The following RARB variants were observed in gnomAD, a reference collection of about 807,000 sequenced individuals.
RARB encodes HBV-activated protein.
In RARB, 17 loss-of-function variants were observed where a neutral mutation model predicts 51.9. The ratio of observed to expected loss-of-function variants is 0.33; its 90% CI spans 0.22 to 0.49. RARB has a LOEUF of 0.49. Ranked by LOEUF, RARB falls within the 20% of genes least tolerant of loss-of-function variation. RARB has a pLI of 0.99. For missense variants in RARB, 369 were observed against 550.8 expected, an observed-to-expected ratio of 0.67 and a Z score of 3.30; for synonymous variants, 215 against 195.4, an observed-to-expected ratio of 1.10 and a Z score of -0.84.
In RARB at chr3:24,939,947, T is replaced by C. The variant is rs576015570; in HGVS notation, c.-380+81195T>C. ...ACGTGTTTTACCATACATCTCCTTA[T>C]AAGCAAACGTCACTCATTTTGGATA... On this transcript the variant is annotated intron_variant, in intron 2 of 11. Coordinates refer to the RARB transcript ENST00000383772. Among the ~76,000 whole-genome samples the C allele has an allele frequency of 4.6e-5, 7 of 152,348 alleles. No individual in the cohort carries two copies. In the East Asian group the frequency reaches 1.4e-3, roughly 29 times the overall value.
rs149147654 is a variant in RARB, at chr3:24,945,145, T to A, written c.-380+86393T>A. Among the ~76,000 whole-genome samples the A allele has an allele frequency of 1.1e-4, 17 of 152,356 alleles. No homozygotes were observed. The East Asian group carries it at 3.1e-3, about 28-fold the overall frequency. ...GTAAATTTAGTTTTTTATAGTCTTA[T>A]GGGTTTGCTTTTCTTTGTAAACTTC... is the stretch of plus-strand genomic sequence containing the variant. On this transcript the variant is annotated intron_variant, in intron 2 of 11. Transcript: ENST00000383772.
intron 5 of RARB, among the ~76,000 whole-genome samples, chr3:25,240,822 T>C (rs1051627127): frequency 1.3e-5 from 2 of 152,188 alleles, no homozygotes; most frequent in Admixed American, 6.5e-5. Flanking sequence ...TGTCTGGTTT[T>C]TGTATCAGGG....
intron 5 of RARB, among the ~76,000 whole-genome samples, chr3:25,343,065 TG>T (rs2125452039): frequency 6.9e-6 from 1 of 145,194 alleles, no homozygotes; most frequent in Admixed American, 7.0e-5. Flanking sequence ...TGTGTGTGTG[TG>T]TGTGTGTAAT....
intron 2 of RARB, among the ~76,000 whole-genome samples, chr3:24,921,169 A>G (rs1248795206): frequency 6.6e-6 from 1 of 152,170 alleles, no homozygotes; most frequent in Non-Finnish European, 1.5e-5. Flanking sequence ...CAGTTTGAAT[A>G]GCCCATGAGA....
intron 5 of RARB, among the ~76,000 whole-genome samples, chr3:25,235,490 T>A (rs959728667): frequency 2.0e-4 from 31 of 152,096 alleles, no homozygotes; most frequent in Non-Finnish European, 4.4e-5. Context: ...ATTTTCAGAG[T>A]CTCAGCAAAG....
At chr3:24,870,767 G>A (rs894436404) in intron 2 of RARB, among the ~76,000 whole-genome samples, 3 of 151,916 alleles carry the variant, frequency 2.0e-5, no homozygotes, top group Non-Finnish European at 4.4e-5. Context: ...TACATAATAG[G>A]CACATATATT....
chr3:25,200,841 G>A (rs1390069900), intron 5 of RARB, among the ~76,000 whole-genome samples: 2 of 152,140 alleles, frequency 1.3e-5, no homozygotes, highest in East Asian at 3.9e-4. Context: ...TTTGGTTACT[G>A]TAGCCTTGTA....
chr3:25,459,497 T>C (rs1695067478), intron 1 of RARB, among the ~76,000 whole-genome samples: 1 of 152,104 alleles, frequency 6.6e-6, no homozygotes, highest in Non-Finnish European at 1.5e-5. Flanking sequence ...GATAGGCGAG[T>C]GAAACAGATG....
chr3:25,329,531 G>A (rs942814173), intron 5 of RARB, among the ~76,000 whole-genome samples: 1 of 152,090 alleles, frequency 6.6e-6, no homozygotes, highest in Non-Finnish European at 1.5e-5. Context: ...AAGACCAAAG[G>A]TAGGTAAAAC....
chr3:25,471,601 T>G (rs1284579691), intron 2 of RARB, among the ~76,000 whole-genome samples: 1 of 150,520 alleles, frequency 6.6e-6, no homozygotes, highest in Non-Finnish European at 1.5e-5. Flanking sequence ...TCTGCGTGTT[T>G]TTTTTTTTTC....
At chr3:24,831,640 T>C (rs1321727485) in intron 1 of RARB, among the ~76,000 whole-genome samples, 1 of 151,184 alleles carries the variant, frequency 6.6e-6, no homozygotes, top group African/African-American at 2.4e-5. Context: ...CTTATAGATA[T>C]GGTGGGGGGG....
intron 3 of RARB, among the ~76,000 whole-genome samples, chr3:25,064,134 T>A (rs191300231): frequency 1.3e-5 from 2 of 152,242 alleles, no homozygotes; most frequent in South Asian, 2.1e-4. Context: ...AGTGATATAA[T>A]GATAACCAAG....
At chr3:24,840,436 C>T (rs1702405662) in intron 1 of RARB, among the ~76,000 whole-genome samples, 1 of 152,110 alleles carries the variant, frequency 6.6e-6, no homozygotes, top group Admixed American at 6.6e-5. Flanking sequence ...CCCAGAAATG[C>T]CCAGCAAGGA....
intron 5 of RARB, among the ~76,000 whole-genome samples, chr3:25,282,383 C>T (rs996404320): frequency 2.6e-5 from 4 of 152,200 alleles, no homozygotes; most frequent in East Asian, 1.9e-4. Context: ...GTCACCTTTT[C>T]GGTAAGCCCT....
At chr3:25,364,020 C>T (rs1706035914) in intron 5 of RARB, among the ~76,000 whole-genome samples, 1 of 152,220 alleles carries the variant, frequency 6.6e-6, no homozygotes, top group South Asian at 2.1e-4. Context: ...TGACCATTCT[C>T]TTTCAAATTT....
At chr3:24,955,550 C>T (rs912891536) in intron 2 of RARB, among the ~76,000 whole-genome samples, 7 of 152,128 alleles carry the variant, frequency 4.6e-5, no homozygotes, top group East Asian at 1.9e-4. Flanking sequence ...AGAAAGTTTC[C>T]CCTTTGTCCT....
chr3:25,219,329 C>G (rs1173314544), intron 5 of RARB, among the ~76,000 whole-genome samples: 6 of 152,028 alleles, frequency 3.9e-5, no homozygotes, highest in African/African-American at 1.4e-4. Flanking sequence ...TCAACCTACC[C>G]TATTCTCATT....
intron 2 of RARB, among the ~76,000 whole-genome samples, chr3:24,917,511 T>G (rs1695131192): frequency 6.6e-6 from 1 of 152,206 alleles, no homozygotes; most frequent in South Asian, 2.1e-4. Context: ...CATCAAAGAA[T>G]GTAAGCACAT....
At chr3:25,458,652 G>A (rs1695029091) in intron 1 of RARB, among the ~76,000 whole-genome samples, 1 of 152,078 alleles carries the variant, frequency 6.6e-6, no homozygotes, top group African/African-American at 2.4e-5. Flanking sequence ...CAGAAATAAT[G>A]TACTCAAGAT....
Sources: gnomAD v4.1 joint callset for allele counts (sites outside exome capture counted in the v4.1 genomes callset) on GRCh38, gnomAD v4.1.1 for gene constraint, MANE v1.5 for transcripts, NCBI Gene and HGNC (gene_info 2026-07-23, HGNC 2026-07-21) for gene names.